Variants in KIRREL3 observed in about 807,000 individuals in gnomAD.
KIRREL3 encodes the protein kin of IRRE-like protein 3.
Under a neutral mutation model 89.7 loss-of-function variants are expected in KIRREL3, and 36 were observed. That is an observed-to-expected ratio of 0.40 (90% CI 0.31 to 0.53). KIRREL3 has a LOEUF of 0.53. Ranked by LOEUF, KIRREL3 falls within the 20% of genes least tolerant of loss-of-function variation. The pLI, the probability that KIRREL3 is intolerant of heterozygous loss-of-function variation, is 0.49. For synonymous variants in KIRREL3, 445 were observed against 441.4 expected (o/e 1.01, Z -0.10); for missense variants, 864 against 1,056.6 (o/e 0.82, Z 2.53).
In KIRREL3 at chr11:126,463,356, G is replaced by A. The variant is rs1282507375; in HGVS notation, c.592-49C>T. 1 of 1,578,092 alleles carries A rather than the reference G, an allele frequency of 6.3e-7. No homozygotes were observed. Among genetic ancestry groups the A allele is most frequent in the East Asian group, 2.3e-5 (1 of 44,222 alleles). ...AGAAAGCTCCATGTCGCTTGGCTGG[G>A]GTGGCCAGCCTGGGTTGGGGGTAAA... On this transcript the variant is annotated intron_variant, in intron 5 of 16. Transcript: ENST00000525144. This position sits in a 1 kb window ranked among gnomAD's most constrained non-coding sequence, Gnocchi z 5.9.
intron 1 of KIRREL3, among the ~76,000 whole-genome samples, chr11:126,590,516 C>T (rs1341023446): frequency 2.0e-5 from 3 of 152,186 alleles, no homozygotes; most frequent in Non-Finnish European, 2.9e-5. Context: ...CTGTGTCTGC[C>T]GTGGCTGCAT....
At chr11:126,881,070 G>T (rs1037202437) in intron 1 of KIRREL3, among the ~76,000 whole-genome samples, 1 of 152,160 alleles carries the variant, frequency 6.6e-6, no homozygotes, top group African/African-American at 2.4e-5. Context: ...AAATAAAATC[G>T]CAAATAAGCA....
chr11:126,923,544 A>G (rs971488121), intron 1 of KIRREL3, among the ~76,000 whole-genome samples: 27 of 150,064 alleles, frequency 1.8e-4, no homozygotes, highest in African/African-American at 6.7e-4. Context: ...CCAGGGTTCA[A>G]GTGATTCTCC....
chr11:126,449,176 G>T lies in KIRREL3; in HGVS notation c.849-19C>A. On this transcript the variant is annotated intron_variant, in intron 7 of 16. Transcript: ENST00000525144. Reference sequence around the variant, plus strand: ...GGCCCACCTGCAACAAAGGCCAGGGGCTGATGTGGGCCTTGAGTGGCAAGG... The same window carrying T: ...GGCCCACCTGCAACAAAGGCCAGGGTCTGATGTGGGCCTTGAGTGGCAAGG... 1 of 1,612,422 alleles carries T rather than the reference G, an allele frequency of 6.2e-7. No homozygotes were observed. The highest frequency in any genetic ancestry group is 2.2e-5 in the East Asian group (1 of 44,858).
intron 1 of KIRREL3, among the ~76,000 whole-genome samples, chr11:126,665,962 G>A (rs1241455792): frequency 6.6e-6 from 1 of 152,196 alleles, no homozygotes; most frequent in Non-Finnish European, 1.5e-5. Flanking sequence ...TACAAACTTA[G>A]AGTAGTTTAT....
rs192257935 is a variant in KIRREL3, at chr11:126,923,203, T to A, written c.55+77252A>T. Among the ~76,000 whole-genome samples the A allele has an allele frequency of 7.5e-3, 49 of 6,536 alleles. 2 individuals carry two copies. The highest frequency in any genetic ancestry group is 0.04 in the African/African-American group (20 of 502). The allele number at this position is 6,536 out of a possible 152,430, so 4.3% of individuals were successfully genotyped here. On this transcript the variant is annotated intron_variant, in intron 1 of 16. Coordinates refer to ENST00000525144, the MANE Select transcript of KIRREL3 (RefSeq NM_032531.4). ...CTTCTTCTTCTCTTCTTCTTCTTCTTCTTCTTCTTCTTCTTCTTCTTCTTC... is the reference window on the plus strand; with the variant it reads ...CTTCTTCTTCTCTTCTTCTTCTTCTACTTCTTCTTCTTCTTCTTCTTCTTC...
Position 126,870,507 on chromosome 11 carries a change from A to G in KIRREL3, c.55+129948T>C, listed in dbSNP as rs1945073295. On this transcript the variant is annotated intron_variant, in intron 1 of 16. Transcript: ENST00000525144. The surrounding 1 kb of genome is among the most constrained non-coding windows in gnomAD (Gnocchi z 4.4). ...AGTCTCCTGAAAGGCAGGTCCTTGC[A>G]AGAGGTAAAAGGCTCAGTAGAATGC... 6.6e-6 allele frequency among the ~76,000 whole-genome samples: 1 copy of G among 152,184 alleles called. No homozygotes were observed. Among genetic ancestry groups the G allele is most frequent in the Non-Finnish European group, 1.5e-5 (1 of 68,044 alleles).
At position 126,788,378 on chromosome 11, in the gene KIRREL3, G is replaced by T. The variant is rs1482148339; in HGVS notation, c.55+212077C>A. Among the ~76,000 whole-genome samples the T allele has an allele frequency of 6.6e-6, 1 of 152,136 alleles. No homozygotes were observed. Among genetic ancestry groups the T allele is most frequent in the Non-Finnish European group, 1.5e-5 (1 of 68,036 alleles). On this transcript the variant is annotated intron_variant, in intron 1 of 16. Coordinates refer to ENST00000525144, the MANE Select transcript of KIRREL3 (RefSeq NM_032531.4). This position sits in a 1 kb window ranked among gnomAD's most constrained non-coding sequence, Gnocchi z 4.1. The stretch of plus-strand genomic sequence containing the variant: ...CAAGTTGCATTTGACATTTCTGCAG[G>T]GTCTGTGGCCCTTGGTTTTGAGACT...
intron 2 of KIRREL3, among the ~76,000 whole-genome samples, chr11:126,546,867 T>C (rs922350193): frequency 3.3e-5 from 5 of 152,332 alleles, no homozygotes; most frequent in Admixed American, 1.3e-4. Context: ...GCTAGCATCA[T>C]GAGTATACCC....
chr11:126,866,955 A>G (rs1474150879), intron 1 of KIRREL3, among the ~76,000 whole-genome samples: 1 of 152,192 alleles, frequency 6.6e-6, no homozygotes, highest in Non-Finnish European at 1.5e-5. Flanking sequence ...TTTTTCCAGT[A>G]CACTAAGGCA....
chr11:126,776,289 C>A lies in KIRREL3; in HGVS notation c.56-213377G>T, dbSNP rs1950166746. 6.6e-6 allele frequency among the ~76,000 whole-genome samples: 1 copy of A among 152,178 alleles called. No homozygotes were observed. The highest frequency in any genetic ancestry group is 6.5e-5 in the Admixed American group (1 of 15,280). The stretch of plus-strand genomic sequence containing the variant: ...TGGAGGACTTGGAAGGGAATGTGTG[C>A]TTCCGGTGGAGTTTGCTGAAGTGCC... On this transcript the variant is annotated intron_variant, in intron 1 of 16. Coordinates refer to ENST00000525144, the MANE Select transcript of KIRREL3 (RefSeq NM_032531.4). This position sits in a 1 kb window ranked among gnomAD's most constrained non-coding sequence, Gnocchi z 4.7.
intron 1 of KIRREL3, among the ~76,000 whole-genome samples, chr11:126,584,324 T>A (rs541561764): frequency 2.0e-5 from 3 of 152,332 alleles, no homozygotes; most frequent in African/African-American, 7.2e-5. Flanking sequence ...ATACAGCTTA[T>A]TCCAACACCT....
At position 126,685,864 on chromosome 11, in the gene KIRREL3, C is replaced by A. The variant is rs1946644987; in HGVS notation, c.56-122952G>T. ...TGGCCGACCCACTGGATCGGGGCCA[C>A]TGGAGACTTTTTCCCTCATGCTGGG... On this transcript the variant is annotated intron_variant, in intron 1 of 16. Transcript: ENST00000525144. This position sits in a 1 kb window ranked among gnomAD's most constrained non-coding sequence, Gnocchi z 5.5. Among the ~76,000 whole-genome samples the A allele has an allele frequency of 6.6e-6, 1 of 152,190 alleles. No homozygotes were observed. The highest frequency in any genetic ancestry group is 1.9e-4 in the East Asian group (1 of 5,192).
intron 1 of KIRREL3, among the ~76,000 whole-genome samples, chr11:126,660,636 G>A (rs1188178309): frequency 2.0e-5 from 3 of 152,102 alleles, no homozygotes; most frequent in Non-Finnish European, 4.4e-5. Context: ...CACATTGGAG[G>A]AGCAAACTTT....
chr11:126,476,337 G>A lies in KIRREL3; in HGVS notation c.434-2871C>T, dbSNP rs189335716. 5.9e-3 allele frequency among the ~76,000 whole-genome samples: 896 copies of A among 152,326 alleles called. 11 individuals are homozygous for A. Among genetic ancestry groups the A allele is most frequent in the Non-Finnish European group, 6.1e-3 (416 of 68,024 alleles). ...TTCTGGGCTCTGGACTCTGGGCTGA[G>A]GGGCAGGAGCCTCTGCTTGCTCTGA... On this transcript the variant is annotated intron_variant, in intron 4 of 16. Coordinates refer to ENST00000525144, the MANE Select transcript of KIRREL3 (RefSeq NM_032531.4). This position sits in a 1 kb window ranked among gnomAD's most constrained non-coding sequence, Gnocchi z 6.4.
At position 126,526,954 on chromosome 11, in the gene KIRREL3, A is replaced by G. The variant is rs763162425; in HGVS notation, c.134-267T>C. Among the ~76,000 whole-genome samples, 2 of 152,104 alleles carry G rather than the reference A, an allele frequency of 1.3e-5. No individual in the cohort carries two copies. The highest frequency in any genetic ancestry group is 2.4e-5 in the African/African-American group (1 of 41,442). ...TGGTCTAGCCACACCCCAGCTCCCT[A>G]TGGGCCATCTCCCTCCACCTTTGGG... is the stretch of plus-strand genomic sequence containing the variant. On this transcript the variant is annotated intron_variant, in intron 2 of 16. Transcript: ENST00000525144. The surrounding 1 kb of genome is among the most constrained non-coding windows in gnomAD (Gnocchi z 5.7).
chr11:126,756,326 C>T (rs1387004791), intron 1 of KIRREL3, among the ~76,000 whole-genome samples: 2 of 152,190 alleles, frequency 1.3e-5, no homozygotes, highest in Admixed American at 1.3e-4. Context: ...TCAAATTTAA[C>T]AAATGGTAAA....
At position 126,476,270 on chromosome 11, in the gene KIRREL3, A is replaced by G. The variant is rs1256517079; in HGVS notation, c.434-2804T>C. Among the ~76,000 whole-genome samples, 1 of 152,156 alleles carries G rather than the reference A, an allele frequency of 6.6e-6. No homozygotes were observed. The highest frequency in any genetic ancestry group is 1.5e-5 in the Non-Finnish European group (1 of 68,032). ...TCTGGAGGGGACCCCAGGCATCAGG[A>G]CTTTGGGGAGCTCCCCAGGGGGTCC... On this transcript the variant is annotated intron_variant, in intron 4 of 16. Coordinates refer to ENST00000525144, the MANE Select transcript of KIRREL3 (RefSeq NM_032531.4). The surrounding 1 kb of genome is among the most constrained non-coding windows in gnomAD (Gnocchi z 6.4).
Position 126,628,971 on chromosome 11 carries a change from C to T in KIRREL3, c.56-66059G>A, listed in dbSNP as rs766445961. On this transcript the variant is annotated intron_variant, in intron 1 of 16. Coordinates refer to ENST00000525144, the MANE Select transcript of KIRREL3 (RefSeq NM_032531.4). The surrounding 1 kb of genome is among the most constrained non-coding windows in gnomAD (Gnocchi z 5.2). ...TTTGATAATGAGCATTTAAAGGGCA[C>T]GTCCTAATGAAGGGAGCCAGGAATG... Among the ~76,000 whole-genome samples the T allele has an allele frequency of 7.9e-5, 12 of 152,172 alleles. No individual in the cohort carries two copies. The highest frequency in any genetic ancestry group is 1.9e-4 in the East Asian group (1 of 5,194).
Sources: gnomAD v4.1 joint callset for allele counts (sites outside exome capture counted in the v4.1 genomes callset) on GRCh38, gnomAD v4.1.1 for gene constraint, Gnocchi (gnomAD v3.1) non-coding constraint, MANE v1.5 for transcripts, NCBI Gene and HGNC (gene_info 2026-07-23, HGNC 2026-07-21) for gene names.